Variants in EPHA6 observed in about 807,000 individuals in gnomAD.
The protein encoded by EPHA6 is EPH receptor A6.
Under a neutral mutation model 112.0 loss-of-function variants are expected in EPHA6, and 50 were observed. The ratio of observed to expected loss-of-function variants is 0.45; its 90% CI spans 0.36 to 0.56. The LOEUF is 0.56. Ranked by LOEUF, EPHA6 falls within the 20% of genes least tolerant of loss-of-function variation. EPHA6 has a pLI of 0.00. For synonymous variants in EPHA6, 529 were observed against 490.7 expected, an observed-to-expected ratio of 1.08 and a Z score of -1.03; for missense variants, 1,280 against 1,417.4, an observed-to-expected ratio of 0.90 and a Z score of 1.56.
intron 1 of EPHA6, among the ~76,000 whole-genome samples, chr3:96,856,425 GA>G (rs889235513): frequency 4.0e-5 from 6 of 151,446 alleles, no homozygotes; most frequent in East Asian, 1.9e-4. Context: ...AGAAACCTTG[GA>G]AAAAAAATAT....
chr3:97,090,072 G>T (rs930419038), intron 3 of EPHA6, among the ~76,000 whole-genome samples: 1 of 151,778 alleles, frequency 6.6e-6, no homozygotes, highest in African/African-American at 2.4e-5. Flanking sequence ...CATATCTTAT[G>T]TTCTAATAGA....
intron 3 of EPHA6, among the ~76,000 whole-genome samples, chr3:97,053,944 T>A (rs2045767846): frequency 6.6e-6 from 1 of 152,014 alleles, no homozygotes; most frequent in South Asian, 2.1e-4. Flanking sequence ...TCCCTTGTGT[T>A]TCACCTAACC....
intron 11 of EPHA6, among the ~76,000 whole-genome samples, chr3:97,535,861 A>T (rs1202155159): frequency 1.3e-5 from 2 of 152,052 alleles, no homozygotes; most frequent in Non-Finnish European, 2.9e-5. Context: ...TTTATCTCAT[A>T]TAGGATTTAT....
chr3:97,414,013 A>G (rs1356515816), intron 6 of EPHA6, among the ~76,000 whole-genome samples: 1 of 151,988 alleles, frequency 6.6e-6, no homozygotes, highest in African/African-American at 2.4e-5. Context: ...TATTCCTTAA[A>G]CAATCATTAT....
At chr3:97,215,781 TAAA>T (rs1025532520) in intron 3 of EPHA6, among the ~76,000 whole-genome samples, 14 of 152,294 alleles carry the variant, frequency 9.2e-5, no homozygotes, top group Admixed American at 2.6e-4. Context: ...TATTTTGAAA[TAAA>T]AATTTCAAAA....
chr3:96,874,545 C>T (rs1023662651), intron 2 of EPHA6, among the ~76,000 whole-genome samples: 4 of 152,036 alleles, frequency 2.6e-5, no homozygotes, highest in Non-Finnish European at 5.9e-5. Context: ...GAGTACTTGT[C>T]ATTCTCAAAA....
chr3:97,279,808 C>T (rs1228151797), intron 5 of EPHA6, among the ~76,000 whole-genome samples: 2 of 152,188 alleles, frequency 1.3e-5, no homozygotes, highest in African/African-American at 4.8e-5. Flanking sequence ...TTCATAGATA[C>T]TGCTAATTTT....
chr3:97,469,055 T>A (rs1437285295), intron 7 of EPHA6, among the ~76,000 whole-genome samples: 5 of 151,774 alleles, frequency 3.3e-5, no homozygotes, highest in Non-Finnish European at 5.9e-5. Context: ...CCCCAAACTC[T>A]TGTCCTTTCA....
In EPHA6 at chr3:96,935,285, G is replaced by A. The variant is rs1213079036; in HGVS notation, c.451-52045G>A. Among the ~76,000 whole-genome samples, 7 of 151,512 alleles carry A rather than the reference G, an allele frequency of 4.6e-5. No homozygotes were observed. In the East Asian group the frequency reaches 5.8e-4, roughly 13 times the overall value. On this transcript the variant is annotated intron_variant, in intron 2 of 17. Transcript: ENST00000389672. ...AAATCAAAATATGTTTTTATTTTCCGATTAACTACTCTGATTATTTGAACA... is the reference window on the plus strand; with the variant it reads ...AAATCAAAATATGTTTTTATTTTCCAATTAACTACTCTGATTATTTGAACA...
In EPHA6 at chr3:97,498,701, A is replaced by G. The variant is rs563468886; in HGVS notation, c.2200+14642A>G. ...AACCCCCAGGCTGTGGGCTTCACCC[A>G]CCTCCTGTCAGATCAGTGGTGACAT... is the stretch of plus-strand genomic sequence containing the variant. On this transcript the variant is annotated intron_variant, in intron 10 of 17. Transcript: ENST00000389672. 9.7e-4 allele frequency among the ~76,000 whole-genome samples: 148 copies of G among 152,168 alleles called. 1 individual carries two copies. The highest frequency in any genetic ancestry group is 3.4e-3 in the African/African-American group (142 of 41,512).
intron 3 of EPHA6, among the ~76,000 whole-genome samples, chr3:97,021,042 T>C (rs999679378): frequency 2.6e-5 from 4 of 152,202 alleles, no homozygotes; most frequent in African/African-American, 4.8e-5. Context: ...GTGGTCCTTA[T>C]ATTATTCTTA....
chr3:97,035,811 C>A (rs1298404054), intron 3 of EPHA6, among the ~76,000 whole-genome samples: 2 of 151,856 alleles, frequency 1.3e-5, no homozygotes, highest in African/African-American at 2.4e-5. Context: ...ATAGTGCTTT[C>A]ATTTAATATT....
intron 1 of EPHA6, among the ~76,000 whole-genome samples, chr3:96,817,579 G>A (rs2032899786): frequency 6.6e-6 from 1 of 151,796 alleles, no homozygotes. Flanking sequence ...AAAGGCTAAT[G>A]GAATTAATGT....
At chr3:97,446,850 C>G (rs1172922344) in intron 6 of EPHA6, among the ~76,000 whole-genome samples, 3 of 152,106 alleles carry the variant, frequency 2.0e-5, no homozygotes, top group African/African-American at 7.2e-5. Context: ...TAATCCCTAA[C>G]AGCTCACTGT....
intron 2 of EPHA6, among the ~76,000 whole-genome samples, chr3:96,957,323 G>T (rs9814671): frequency 0.017 from 2,641 of 152,246 alleles, 61 homozygotes; most frequent in African/African-American, 0.047. Context: ...CATGGCTAAA[G>T]ATATAACTAT....
In EPHA6 at chr3:97,759,724, C is replaced by T. The variant is rs768675147; in HGVS notation, c.*11023C>T. On this transcript the variant is annotated 3_prime_UTR_variant, in exon 18 of 18. Transcript: ENST00000389672. Reference sequence around the variant, plus strand: ...CTACGTAAGTTTTTTTTTAATTTTACCAAGAATGAGATAAAAGCCAATATG... The same window carrying T: ...CTACGTAAGTTTTTTTTTAATTTTATCAAGAATGAGATAAAAGCCAATATG... The T allele has an allele frequency of 2.6e-5, 6 of 227,690 alleles. No individual in the cohort carries two copies. The highest frequency in any genetic ancestry group is 5.2e-5 in the Non-Finnish European group (6 of 114,968). The allele number at this position is 227,690 out of a possible 1,614,324, so 14.1% of individuals were successfully genotyped here.
intron 12 of EPHA6, among the ~76,000 whole-genome samples, chr3:97,598,348 C>A (rs1330703250): frequency 6.6e-6 from 1 of 150,730 alleles, no homozygotes; most frequent in Non-Finnish European, 1.5e-5. Flanking sequence ...ATGTGCCATG[C>A]TGGTGCGCTG....
At chr3:97,532,220 A>C (rs2092703402) in intron 10 of EPHA6, 138 bp from the exon 11 acceptor site, 1 of 695,488 alleles carries the variant, frequency 1.4e-6, no homozygotes, top group Non-Finnish European at 2.3e-6. Flanking sequence ...CTTACTCTTT[A>C]AGAAAGAAAT....
intron 3 of EPHA6, among the ~76,000 whole-genome samples, chr3:97,078,245 GT>G (rs1311784502): frequency 6.6e-6 from 1 of 152,006 alleles, no homozygotes; most frequent in African/African-American, 2.4e-5. Flanking sequence ...GTGATTGTTT[GT>G]TTTTTTCTTG....
Sources: allele counts gnomAD v4.1 joint callset (sites outside exome capture counted in the v4.1 genomes callset), GRCh38; gene constraint gnomAD v4.1.1; transcripts MANE v1.5; gene names NCBI Gene and HGNC (gene_info 2026-07-23, HGNC 2026-07-21).